Variants in CACNA1A observed in about 807,000 individuals in gnomAD.
CACNA1A encodes calcium voltage-gated channel subunit alpha1 A.
In CACNA1A, 57 loss-of-function variants were observed where a neutral mutation model predicts 262.4. The observed-to-expected ratio is 0.22, with a 90% CI of 0.18 to 0.27. CACNA1A has a LOEUF of 0.27. Ranked by LOEUF, CACNA1A falls within the 10% of genes least tolerant of loss-of-function variation. The pLI is 1.00. For synonymous variants in CACNA1A, 1,431 were observed against 1,419.3 expected (o/e 1.01, Z -0.18); for missense variants, 2,526 against 3,562.8 (o/e 0.71, Z 7.41).
intron 1 of CACNA1A, among the ~76,000 whole-genome samples, chr19:13,493,965 TAAAC>T (rs1195373882): frequency 5.9e-5 from 9 of 152,370 alleles, no homozygotes; most frequent in Non-Finnish European, 1.3e-4. Flanking sequence ...ATTGTGAACT[TAAAC>T]AAAACACCCC....
chr19:13,418,328 G>A (rs2060260062), intron 3 of CACNA1A, among the ~76,000 whole-genome samples: 1 of 152,176 alleles, frequency 6.6e-6, no homozygotes, highest in East Asian at 1.9e-4. Context: ...GTAGTGGTGT[G>A]TGTACGTGGG....
At chr19:13,404,634 C>A (rs2059970653) in intron 3 of CACNA1A, among the ~76,000 whole-genome samples, 1 of 152,134 alleles carries the variant, frequency 6.6e-6, no homozygotes, top group Non-Finnish European at 1.5e-5. Context: ...TCTGTGTCCT[C>A]CCCCTGCCAG....
At chr19:13,342,446 C>T (rs1053522602) in intron 6 of CACNA1A, among the ~76,000 whole-genome samples, 2 of 152,120 alleles carry the variant, frequency 1.3e-5, no homozygotes, top group African/African-American at 2.4e-5. Flanking sequence ...TTGTTAAATT[C>T]ATTAATATTG....
In CACNA1A at chr19:13,265,240, C is replaced by T. The variant is rs575760042; in HGVS notation, c.3990-2407G>A. 7.2e-5 allele frequency among the ~76,000 whole-genome samples: 11 copies of T among 152,340 alleles called. No individual in the cohort carries two copies. In the South Asian group the frequency reaches 1.9e-3, roughly 26 times the overall value. On this transcript the variant is annotated intron_variant, in intron 24 of 46. Transcript: ENST00000360228. ...GCGCCTGGCGTGTGGTCTCAGGACA[C>T]GTGAATGCCTCCGGTTGGAGTATTT...
chr19:13,229,490 A>G (rs1265975843), intron 36 of CACNA1A, among the ~76,000 whole-genome samples: 3 of 152,206 alleles, frequency 2.0e-5, no homozygotes, highest in South Asian at 2.1e-4. Context: ...ATTGCCCGTC[A>G]GTGGAGAGGG....
In CACNA1A at chr19:13,309,288, G is replaced by A. The variant is rs940249995; in HGVS notation, c.1669-760C>T. 5.9e-5 allele frequency among the ~76,000 whole-genome samples: 9 copies of A among 152,138 alleles called. No homozygotes were observed. The East Asian group carries it at 9.7e-4, about 16-fold the overall frequency. The stretch of plus-strand genomic sequence containing the variant: ...CTCCCAAAGTGCTGGGATTACAGGC[G>A]TGAGCCACCACACCTGGCCTCTTTT... On this transcript the variant is annotated intron_variant, in intron 12 of 46. Transcript: ENST00000360228.
At chr19:13,210,286 T>C (rs2054755683) in intron 44 of CACNA1A, among the ~76,000 whole-genome samples, 1 of 151,860 alleles carries the variant, frequency 6.6e-6, no homozygotes, top group Non-Finnish European at 1.5e-5. Flanking sequence ...GGACCAGGGG[T>C]TGGTGGTGGT....
chr19:13,327,034 G>A (rs1444641566), intron 10 of CACNA1A, among the ~76,000 whole-genome samples: 1 of 151,788 alleles, frequency 6.6e-6, no homozygotes, highest in Non-Finnish European at 1.5e-5. Context: ...GACTACTGGC[G>A]TGTGCCACAA....
chr19:13,276,343 G>A (rs950646627), intron 23 of CACNA1A, among the ~76,000 whole-genome samples: 2 of 152,054 alleles, frequency 1.3e-5, no homozygotes, highest in African/African-American at 4.8e-5. Flanking sequence ...CCCCGTCATC[G>A]CCCATGGGGA....
At chr19:13,414,347 C>G (rs2060184736) in intron 3 of CACNA1A, among the ~76,000 whole-genome samples, 1 of 152,044 alleles carries the variant, frequency 6.6e-6, no homozygotes. Context: ...GCAGAGTAAG[C>G]TGTGATTGCG....
Position 13,255,181 on chromosome 19 carries a change from G to C in CACNA1A, c.4669C>G (p.Arg1557Gly). Residue 1557 changes from arginine to glycine, a missense_variant, in exon 29 of 47, where the codon CGC (arginine) becomes GGC (glycine). Around this residue, in one of 17 missense-constraint regions of CACNA1A, gnomAD observed 36 missense variants for 47.3 expected, o/e 0.76. Transcript: ENST00000360228. ...MPQNKQSFQY[R>G]MWQFVVSPPF... ...GGAGACACCACGAACTGCCACATGC[G>C]GTACTGGAAGCTCTGCTTGTTCTGC... The C allele has an allele frequency of 6.2e-7, 1 of 1,613,692 alleles. No homozygotes were observed. Among genetic ancestry groups the C allele is most frequent in the Non-Finnish European group, 8.5e-7 (1 of 1,179,664 alleles).
intron 34 of CACNA1A, among the ~76,000 whole-genome samples, chr19:13,234,531 A>C (rs919736884): frequency 6.6e-6 from 1 of 152,030 alleles, no homozygotes; most frequent in Non-Finnish European, 1.5e-5. Context: ...GGTCAGGAAG[A>C]TTCAGAGATA....
At chr19:13,246,191 T>C (rs2056230398) in intron 30 of CACNA1A, among the ~76,000 whole-genome samples, 2 of 152,218 alleles carry the variant, frequency 1.3e-5, no homozygotes, top group African/African-American at 2.4e-5. Context: ...TTAACCTCTC[T>C]GGGCCTCCAT....
At chr19:13,370,067 A>C (rs1432653282) in intron 4 of CACNA1A, among the ~76,000 whole-genome samples, 1 of 152,080 alleles carries the variant, frequency 6.6e-6, no homozygotes, top group Non-Finnish European at 1.5e-5. Flanking sequence ...AAATACTTAG[A>C]ATAATGTCTG....
intron 30 of CACNA1A, among the ~76,000 whole-genome samples, chr19:13,247,713 A>AAAATAAATAAATAAATAAATAAAT (rs144467626): frequency 2.0e-5 from 3 of 146,710 alleles, no homozygotes; most frequent in East Asian, 2.0e-4. Flanking sequence ...TAAATAAATA[A>AAAATAAATAAATAAATAAATAAAT]AAATAAATAA....
rs180688469 is a variant in CACNA1A, at chr19:13,214,538, G to C, written c.5802C>G (p.Ser1934=). The change falls in exon 39 of 47, where the codon TCC becomes TCG. Residue 1934 remains serine, a synonymous_variant. Coordinates refer to ENST00000360228, the MANE Select transcript of CACNA1A (RefSeq NM_001127222.2). This position sits in a 1 kb window ranked among gnomAD's most constrained non-coding sequence, Gnocchi z 4.1. ...KEMMAIWPNL[S]QKTLDLLVTP... is the part of the protein sequence containing the mutation. ...TGACCAGCAGGTCTAGCGTCTTCTG[G>C]GACAGATTGGGCCAAATCGCCATCA... The C allele has an allele frequency of 6.2e-7, 1 of 1,613,916 alleles. No individual in the cohort carries two copies. Among genetic ancestry groups the C allele is most frequent in the Non-Finnish European group, 8.5e-7 (1 of 1,179,846 alleles).
At chr19:13,360,954 G>A (rs1473713533) in intron 5 of CACNA1A, among the ~76,000 whole-genome samples, 1 of 152,074 alleles carries the variant, frequency 6.6e-6, no homozygotes, top group Non-Finnish European at 1.5e-5. Context: ...TTTGACCTCT[G>A]TTGAGACAAA....
At chr19:13,319,630 A>T (rs1370135247) in intron 10 of CACNA1A, among the ~76,000 whole-genome samples, 16 of 152,312 alleles carry the variant, frequency 1.1e-4, no homozygotes, top group African/African-American at 3.6e-4. Context: ...GGCCATACCG[A>T]CTCATACTGG....
intron 10 of CACNA1A, among the ~76,000 whole-genome samples, chr19:13,318,450 C>T (rs2058174688): frequency 6.6e-6 from 1 of 151,936 alleles, no homozygotes; most frequent in Admixed American, 6.6e-5. Context: ...TGGCTTTTAC[C>T]CTGAGTGAGG....
Sources: gnomAD v4.1 joint callset for allele counts (sites outside exome capture counted in the v4.1 genomes callset) on GRCh38, gnomAD v4.1.1 for gene constraint, gnomAD v4.1.1 regional missense constraint, Gnocchi (gnomAD v3.1) non-coding constraint, MANE v1.5 for transcripts, NCBI Gene and HGNC (gene_info 2026-07-23, HGNC 2026-07-21) for gene names.